Variants in SGIP1 observed in about 807,000 individuals in gnomAD.
The protein encoded by SGIP1 is SH3GL interacting endocytic adaptor 1, also known as SH3-containing GRB2-like protein 3-interacting protein 1.
In SGIP1, 38 loss-of-function variants were observed where a neutral mutation model predicts 107.5. That is an observed-to-expected ratio of 0.35 (90% CI 0.27 to 0.46). The LOEUF is 0.46. SGIP1 is among the 20% of genes least tolerant of loss of function. The pLI is 1.00. For missense variants in SGIP1, 929 were observed against 1,019.5 expected (o/e 0.91, Z 1.21); for synonymous variants, 365 against 366.1 (o/e 1.00, Z 0.03).
chr1:66,588,435 A>G (rs1423943069), intron 1 of SGIP1, among the ~76,000 whole-genome samples: 1 of 152,148 alleles, frequency 6.6e-6, no homozygotes, highest in Non-Finnish European at 1.5e-5. Context: ...AAAGTAGAGC[A>G]AAGTGTTTCA....
chr1:66,664,448 C>T (rs768605346), intron 8 of SGIP1, among the ~76,000 whole-genome samples: 1 of 152,154 alleles, frequency 6.6e-6, no homozygotes, highest in Non-Finnish European at 1.5e-5. Flanking sequence ...ATCACAATGA[C>T]TCTCTGCTTT....
intron 1 of SGIP1, among the ~76,000 whole-genome samples, chr1:66,553,056 C>T (rs959880404): frequency 2.6e-5 from 4 of 152,096 alleles, no homozygotes; most frequent in African/African-American, 9.7e-5. Flanking sequence ...TTCCCATCTC[C>T]CCAACTCCCA....
chr1:66,694,449 CGATGTTTTTTATGA>C, intron 17 of SGIP1: 1 of 1,607,160 alleles, frequency 6.2e-7, no homozygotes, highest in South Asian at 1.1e-5. Flanking sequence ...TGTCAGAAGA[CGATGTTTTTTATGA>C]CAAACTGCCC....
chr1:66,738,834 T>C (rs983884574), intron 21 of SGIP1, among the ~76,000 whole-genome samples: 1 of 152,176 alleles, frequency 6.6e-6, no homozygotes, highest in Non-Finnish European at 1.5e-5. Context: ...TTTATCAAAA[T>C]GTATTCCTAG....
chr1:66,554,944 A>G (rs2057971977), intron 1 of SGIP1, among the ~76,000 whole-genome samples: 1 of 152,168 alleles, frequency 6.6e-6, no homozygotes, highest in African/African-American at 2.4e-5. Context: ...GAGATGCTCT[A>G]TCTGGAGCCA....
chr1:66,626,510 C>T (rs1263103539), intron 2 of SGIP1, among the ~76,000 whole-genome samples: 2 of 152,126 alleles, frequency 1.3e-5, no homozygotes, highest in Admixed American at 6.5e-5. Flanking sequence ...AATTAATTGC[C>T]CACAGACACT....
At chr1:66,665,206 A>G (rs1225132766) in intron 8 of SGIP1, among the ~76,000 whole-genome samples, 1 of 152,066 alleles carries the variant, frequency 6.6e-6, no homozygotes. Flanking sequence ...CCCACCTAAG[A>G]GTGAGAACAT....
At chr1:66,588,135 A>C (rs1488664516) in intron 1 of SGIP1, among the ~76,000 whole-genome samples, 1 of 152,114 alleles carries the variant, frequency 6.6e-6, no homozygotes, top group Non-Finnish European at 1.5e-5. Context: ...CTTTGTAATA[A>C]TTTCACTTAT....
At chr1:66,695,353 C>A (rs770570435) in intron 17 of SGIP1, 81 bp from the exon 18 acceptor site, 15 of 1,608,402 alleles carry the variant, frequency 9.3e-6, no homozygotes, top group Non-Finnish European at 1.3e-5. Flanking sequence ...AGATTAATGA[C>A]CTGCTCTGTA....
At chr1:66,624,282 C>T (rs570801019) in intron 1 of SGIP1, among the ~76,000 whole-genome samples, 12 of 152,094 alleles carry the variant, frequency 7.9e-5, no homozygotes, top group Admixed American at 6.5e-4. Flanking sequence ...ATACTTTGTC[C>T]TTATAAGGGA....
intron 5 of SGIP1, among the ~76,000 whole-genome samples, chr1:66,641,353 C>T (rs2076760938): frequency 6.6e-6 from 1 of 151,932 alleles, no homozygotes. Flanking sequence ...GGGCTTTTTC[C>T]ATGGTATGTA....
rs747024356 is a variant in SGIP1, at chr1:66,733,911, C to T, written c.2031+31C>T. On this transcript the variant is annotated intron_variant, in intron 21 of 24. Coordinates refer to ENST00000371037, the MANE Select transcript of SGIP1 (RefSeq NM_032291.4). ...CCTATTTACATGATCGGTATCTCTTCCACATGACATATTTGTTTTCTAAAG... is the reference window on the plus strand; with the variant it reads ...CCTATTTACATGATCGGTATCTCTTTCACATGACATATTTGTTTTCTAAAG... 6.3e-6 allele frequency: 10 copies of T among 1,590,528 alleles called. No individual in the cohort carries two copies. In the African/African-American group the frequency reaches 8.1e-5, roughly 13 times the overall value.
chr1:66,657,797 A>G (rs879928712), intron 7 of SGIP1, among the ~76,000 whole-genome samples: 1 of 152,052 alleles, frequency 6.6e-6, no homozygotes, highest in Non-Finnish European at 1.5e-5. Flanking sequence ...AAATTCACTT[A>G]CTCTATTTCT....
intron 2 of SGIP1, among the ~76,000 whole-genome samples, chr1:66,629,353 G>A (rs2073719459): frequency 6.6e-6 from 1 of 152,144 alleles, no homozygotes; most frequent in African/African-American, 2.4e-5. Flanking sequence ...ATGTTGCGCT[G>A]ATATCTTTTT....
At chr1:66,642,620 A>G (rs1292716545) in intron 5 of SGIP1, among the ~76,000 whole-genome samples, 190 bp from the exon 6 acceptor site, 1 of 152,146 alleles carries the variant, frequency 6.6e-6, no homozygotes, top group African/African-American at 2.4e-5. Flanking sequence ...TTTTCCCAGT[A>G]GGAGGACTCT....
At chr1:66,560,763 C>G (rs2058814821) in intron 1 of SGIP1, among the ~76,000 whole-genome samples, 1 of 151,986 alleles carries the variant, frequency 6.6e-6, no homozygotes, top group Admixed American at 6.6e-5. Flanking sequence ...AACTCTGAAG[C>G]CCAACTACCT....
intron 1 of SGIP1, among the ~76,000 whole-genome samples, chr1:66,559,567 T>C (rs1285294915): frequency 6.6e-6 from 1 of 152,096 alleles, no homozygotes; most frequent in Non-Finnish European, 1.5e-5. Context: ...TGAGGAGCAG[T>C]AGAGTACATG....
At chr1:66,645,624 C>A (rs541575291) in intron 7 of SGIP1, among the ~76,000 whole-genome samples, 1 of 152,260 alleles carries the variant, frequency 6.6e-6, no homozygotes, top group African/African-American at 2.4e-5. Flanking sequence ...ATGTGAGAAC[C>A]TGGATCTCCT....
At chr1:66,587,432 C>T (rs1451793170) in intron 1 of SGIP1, among the ~76,000 whole-genome samples, 1 of 151,366 alleles carries the variant, frequency 6.6e-6, no homozygotes, top group Non-Finnish European at 1.5e-5. Flanking sequence ...TCTTCTGGTT[C>T]ACTGATTCTT....
Sources: gnomAD v4.1 joint callset for allele counts (sites outside exome capture counted in the v4.1 genomes callset) on GRCh38, gnomAD v4.1.1 for gene constraint, MANE v1.5 for transcripts, NCBI Gene and HGNC (gene_info 2026-07-23, HGNC 2026-07-21) for gene names.